Variants in ATG3 observed in about 807,000 individuals in gnomAD.
The protein encoded by ATG3 is ubiquitin-like-conjugating enzyme ATG3.
ATG3 carries 25 observed loss-of-function variants against 50.7 expected under a neutral mutation model. That is an observed-to-expected ratio of 0.49 (90% confidence interval 0.36 to 0.69). The LOEUF (loss-of-function observed/expected upper bound fraction) is 0.69, where lower values mean the gene tolerates loss of function less well. Ranked by LOEUF, ATG3 falls within the 30% of genes least tolerant of loss-of-function variation. The probability of loss-of-function intolerance (pLI) is 0.00; values close to 1 mark genes in which losing one functional copy is unlikely to be tolerated. For missense variants in ATG3, 281 were observed against 376.0 expected (o/e 0.75, Z 2.09); for synonymous variants, 119 against 125.5 (o/e 0.95, Z 0.34).
intron 5 of ATG3, among the ~76,000 whole-genome samples, chr3:112,545,786 C>A (rs1933352482): frequency 6.6e-6 from 1 of 152,118 alleles, no homozygotes; most frequent in Non-Finnish European, 1.5e-5. Flanking sequence ...GAGTAATACT[C>A]TAAAGGGTTA....
chr3:112,543,148 A>C (rs534619189), intron 6 of ATG3, among the ~76,000 whole-genome samples: 2 of 152,242 alleles, frequency 1.3e-5, no homozygotes, highest in South Asian at 2.1e-4. Context: ...CACACAAAGA[A>C]TATCTTTAGT....
intron 11 of ATG3, chr3:112,534,034 C>T: frequency 8.1e-7 from 1 of 1,237,408 alleles, no homozygotes; most frequent in Non-Finnish European, 1.0e-6. Flanking sequence ...TAGTAGTTAC[C>T]TCTGTAACAA....
At chr3:112,544,658 G>GAAAAAAAAAAAAAAAA (rs576984897) in intron 5 of ATG3, among the ~76,000 whole-genome samples, 2 of 64,098 alleles carry the variant, frequency 3.1e-5, no homozygotes, top group African/African-American at 4.2e-5. Flanking sequence ...CCGTCTCAGG[G>GAAAAAAAAAAAAAAAA]AAAAAAAAAA....
At chr3:112,558,996 C>T (rs1933762887) in intron 1 of ATG3, among the ~76,000 whole-genome samples, 1 of 152,174 alleles carries the variant, frequency 6.6e-6, no homozygotes. Context: ...GCCTCGGCCT[C>T]CCAATGTGCT....
At chr3:112,558,226 G>A in intron 2 of ATG3, 150 bp downstream of exon 2, 2 of 591,752 alleles carry the variant, frequency 3.4e-6, no homozygotes, top group South Asian at 4.8e-5. Flanking sequence ...TCTTCTATGG[G>A]AAGTAGAAAT....
intron 2 of ATG3, among the ~76,000 whole-genome samples, chr3:112,555,547 A>T (rs1933646717): frequency 6.6e-6 from 1 of 152,222 alleles, no homozygotes; most frequent in Non-Finnish European, 1.5e-5. Context: ...TTGACAATAC[A>T]GTATCAGATA....
At chr3:112,541,751 T>C (rs1003662547) in intron 7 of ATG3, 52 bp downstream of exon 7, 8 of 1,450,980 alleles carry the variant, frequency 5.5e-6, no homozygotes, top group African/African-American at 2.8e-5. Context: ...AAATTACAAA[T>C]ATTCTAAATC....
intron 2 of ATG3, 96 bp from the exon 3 acceptor site, chr3:112,553,425 A>G (rs927677629): frequency 4.1e-6 from 4 of 971,910 alleles, no homozygotes; most frequent in Non-Finnish European, 6.6e-6. Flanking sequence ...TGATGGCACT[A>G]GGTAACACTG....
At chr3:112,556,161 A>G (rs1217505876) in intron 2 of ATG3, among the ~76,000 whole-genome samples, 1 of 152,268 alleles carries the variant, frequency 6.6e-6, no homozygotes, top group Admixed American at 6.5e-5. Flanking sequence ...AAGGCAGAAT[A>G]GGATCTTTAC....
chr3:112,541,458 G>C (rs193228091), intron 7 of ATG3, among the ~76,000 whole-genome samples: 24 of 152,194 alleles, frequency 1.6e-4, no homozygotes, highest in African/African-American at 5.5e-4. Flanking sequence ...ATCAAAGAGG[G>C]AAAAGAAAAT....
At chr3:112,552,395 A>G (rs539520832) in intron 3 of ATG3, among the ~76,000 whole-genome samples, 1 of 152,030 alleles carries the variant, frequency 6.6e-6, no homozygotes, top group African/African-American at 2.4e-5. Flanking sequence ...TAATTAAAAT[A>G]AAAGGTATTG....
intron 1 of ATG3, among the ~76,000 whole-genome samples, chr3:112,559,389 T>C (rs924759707): frequency 6.6e-6 from 1 of 152,238 alleles, no homozygotes; most frequent in East Asian, 1.9e-4. Flanking sequence ...TGCCAGACAC[T>C]ATTTGAGGCA....
In ATG3 at chr3:112,554,598, G is replaced by A. The variant is rs1373487198; in HGVS notation, c.115-1269C>T. 2.0e-5 allele frequency among the ~76,000 whole-genome samples: 3 copies of A among 152,206 alleles called. 1 individual carries two copies. The highest frequency in any genetic ancestry group is 4.1e-4 in the South Asian group (2 of 4,832). On this transcript the variant is annotated intron_variant, in intron 2 of 11. Coordinates refer to ENST00000283290, the MANE Select transcript of ATG3 (RefSeq NM_022488.5). ...TTGTTGCTCACACAAAGCCTGTTTG[G>A]TGGTCTCTACACATGGACGCATGTG...
At chr3:112,536,370 G>A in intron 10 of ATG3, 105 bp downstream of exon 10, 1 of 1,395,112 alleles carries the variant, frequency 7.2e-7, no homozygotes, top group Non-Finnish European at 9.8e-7. Flanking sequence ...TTTTTAGTAA[G>A]AAAATTTTTT....
At chr3:112,544,467 C>T (rs1415497613) in intron 5 of ATG3, among the ~76,000 whole-genome samples, 1 of 151,892 alleles carries the variant, frequency 6.6e-6, no homozygotes, top group Non-Finnish European at 1.5e-5. Flanking sequence ...ACCAGCCTAG[C>T]CAACATGGTG....
In ATG3 at chr3:112,561,631, A is replaced by G; in HGVS notation, c.-103T>C. ...GTCCTCGCTGCCACCGACTCGCATC[A>G]GCACCCGGCTGGCAGCACCCGAGGG... On this transcript the variant is annotated 5_prime_UTR_variant, in exon 1 of 12. Coordinates refer to ENST00000283290, the MANE Select transcript of ATG3 (RefSeq NM_022488.5). 1 of 1,224,446 alleles carries G rather than the reference A, an allele frequency of 8.2e-7. No individual in the cohort carries two copies. Among genetic ancestry groups the G allele is most frequent in the Non-Finnish European group, 1.1e-6 (1 of 873,326 alleles). 75.8% of individuals were successfully genotyped at this position (1,224,446 alleles called of 1,614,324 possible).
At chr3:112,536,344 CAA>C in intron 10 of ATG3, 129 bp downstream of exon 10, 4 of 1,074,376 alleles carry the variant, frequency 3.7e-6, no homozygotes, top group East Asian at 2.7e-5. Context: ...CTAAGGAGGA[CAA>C]GAGAGAATTT....
At chr3:112,555,454 C>A in intron 2 of ATG3, among the ~76,000 whole-genome samples, 1 of 152,194 alleles carries the variant, frequency 6.6e-6, no homozygotes, top group East Asian at 1.9e-4. Context: ...GTGAGCAATT[C>A]CATTCCTCAA....
chr3:112,534,376 G>T (rs201430369), intron 10 of ATG3, 39 bp from the exon 11 acceptor site: 4 of 1,462,156 alleles, frequency 2.7e-6, no homozygotes, highest in East Asian at 2.4e-5. Flanking sequence ...AATGTAGATC[G>T]ATTAGACCGA....
Sources: allele counts gnomAD v4.1 joint callset (sites outside exome capture counted in the v4.1 genomes callset), GRCh38; gene constraint gnomAD v4.1.1; transcripts MANE v1.5; gene names NCBI Gene and HGNC (gene_info 2026-07-23, HGNC 2026-07-21).